The following DENND1A variants were observed in gnomAD, a reference collection of about 807,000 sequenced individuals.
The protein encoded by DENND1A is DENN domain containing 1A, also known as DENN domain-containing protein 1A.
A neutral mutation model predicts 113.7 loss-of-function variants in DENND1A; 51 were observed. The observed-to-expected ratio is 0.45, with a 90% confidence interval of 0.36 to 0.57. DENND1A has a LOEUF of 0.57. DENND1A is among the 20% of genes least tolerant of loss of function. DENND1A has a pLI of 0.00. For synonymous variants in DENND1A, 565 were observed against 570.8 expected (o/e 0.99, Z 0.14); for missense variants, 1,258 against 1,395.9 (o/e 0.90, Z 1.57).
chr9:123,655,367 G>T (rs2062884049), intron 8 of DENND1A, among the ~76,000 whole-genome samples: 1 of 152,180 alleles, frequency 6.6e-6, no homozygotes, highest in Non-Finnish European at 1.5e-5. Context: ...GAACAGTGCA[G>T]TGAGGAATGC....
chr9:123,655,787 T>G (rs2062913268), intron 8 of DENND1A, among the ~76,000 whole-genome samples: 1 of 152,226 alleles, frequency 6.6e-6, no homozygotes, highest in Admixed American at 6.5e-5. Flanking sequence ...GAGCTTCTGC[T>G]GATAAAAGAC....
chr9:123,494,358 C>G (rs924602599), intron 13 of DENND1A, among the ~76,000 whole-genome samples: 2 of 152,144 alleles, frequency 1.3e-5, no homozygotes, highest in African/African-American at 4.8e-5. Context: ...ACACCCGCAC[C>G]CTCTTGGATC....
In DENND1A at chr9:123,382,477, G is replaced by A; in HGVS notation, c.2168C>T (p.Ala723Val). 1 of 1,613,654 alleles carries A rather than the reference G, an allele frequency of 6.2e-7. No homozygotes were observed. Among genetic ancestry groups the A allele is most frequent in the South Asian group, 1.1e-5 (1 of 91,064 alleles). The change falls in exon 24 of 24, where the codon GCC (alanine) becomes GTC (valine). Residue 723 changes from alanine (A) to valine (V), a missense_variant. Ala to Val is a moderately conservative substitution (Grantham distance 64). Around this residue, in one of 2 missense-constraint regions of DENND1A, gnomAD observed 1,159 missense variants for 1,231.7 expected, o/e 0.94. Coordinates refer to ENST00000394215, the MANE Select transcript of DENND1A (RefSeq NM_001352964.2). ...PPAASPEKPS[A>V]LLGNSLALPR... ...CAGGGCCAGGGAGTTTCCGAGCAGG[G>A]CTGAGGGCTTCTCAGGGGAGGCAGC...
intron 2 of DENND1A, among the ~76,000 whole-genome samples, chr9:123,830,948 A>T (rs1157926818): frequency 6.6e-6 from 1 of 151,258 alleles, no homozygotes; most frequent in Non-Finnish European, 1.5e-5. Flanking sequence ...ATTAAACATT[A>T]TACTGCTGGT....
intron 10 of DENND1A, among the ~76,000 whole-genome samples, chr9:123,620,232 A>AAAAAAAAAAAAAAAAAAAAAAAAAAG (rs1554916729): frequency 3.8e-4 from 43 of 114,364 alleles, no homozygotes; most frequent in African/African-American, 8.9e-4. Context: ...AAAAAAAAAA[A>AAAAAAAAAAAAAAAAAAAAAAAAAAG]AAAAAAGAAA....
Position 123,381,323 on chromosome 9 carries a change from C to T in DENND1A, c.*109G>A. On this transcript the variant is annotated 3_prime_UTR_variant, in exon 24 of 24. Coordinates refer to ENST00000394215, the MANE Select transcript of DENND1A (RefSeq NM_001352964.2). The surrounding 1 kb of genome is among the most constrained non-coding windows in gnomAD (Gnocchi z 4.7). The stretch of plus-strand genomic sequence containing the variant: ...GGGGCAGCAGAGAGGGGTCCCATCC[C>T]TTCCCACCAGCAGAACCTGGGCAGA... 1.8e-6 allele frequency: 2 copies of T among 1,136,556 alleles called. No homozygotes were observed. The highest frequency in any genetic ancestry group is 2.5e-6 in the Non-Finnish European group (2 of 790,976). 70.4% of individuals were successfully genotyped at this position (1,136,556 alleles called of 1,614,324 possible). A position where few individuals can be genotyped will look rare whatever the true frequency, so the allele number is the denominator to read the frequency against.
intron 2 of DENND1A, among the ~76,000 whole-genome samples, chr9:123,876,562 T>C (rs1847497622): frequency 6.6e-6 from 1 of 152,180 alleles, no homozygotes. Context: ...TATACTCACA[T>C]GCACACATAT....
At chr9:123,690,083 AAGGAG>A (rs2065079812) in intron 5 of DENND1A, among the ~76,000 whole-genome samples, 1 of 79,950 alleles carries the variant, frequency 1.3e-5, no homozygotes, top group African/African-American at 5.0e-5. Flanking sequence ...GGAAGAAGGA[AAGGAG>A]GGAGGGAGGG....
intron 3 of DENND1A, among the ~76,000 whole-genome samples, chr9:123,783,096 T>C (rs976266474): frequency 6.6e-6 from 1 of 152,208 alleles, no homozygotes; most frequent in African/African-American, 2.4e-5. Flanking sequence ...AGTGGTCCCA[T>C]TACTAAATTT....
chr9:123,614,423 CT>C (rs1381032587), intron 10 of DENND1A, among the ~76,000 whole-genome samples: 1 of 152,212 alleles, frequency 6.6e-6, no homozygotes, highest in Non-Finnish European at 1.5e-5. Context: ...AATATGGAAA[CT>C]GCAGACTTAC....
intron 13 of DENND1A, among the ~76,000 whole-genome samples, chr9:123,553,403 C>T (rs1047008108): frequency 8.6e-5 from 13 of 151,244 alleles, no homozygotes; most frequent in African/African-American, 2.9e-4. Context: ...AAAAGCCGCC[C>T]CCCCCCCGCT....
chr9:123,588,020 G>A (rs996333366), intron 11 of DENND1A, among the ~76,000 whole-genome samples: 1 of 152,106 alleles, frequency 6.6e-6, no homozygotes, highest in African/African-American at 2.4e-5. Context: ...GCTCACACCT[G>A]TAATCCCAGC....
At chr9:123,674,390 A>G (rs917675450) in intron 6 of DENND1A, among the ~76,000 whole-genome samples, 3 of 145,402 alleles carry the variant, frequency 2.1e-5, no homozygotes, top group Non-Finnish European at 4.5e-5. Context: ...ACACACACAC[A>G]CACAATAGAA....
intron 5 of DENND1A, among the ~76,000 whole-genome samples, chr9:123,698,495 C>A (rs919770015): frequency 1.3e-5 from 2 of 152,198 alleles, no homozygotes; most frequent in Non-Finnish European, 2.9e-5. Flanking sequence ...GGAGACAAAG[C>A]TCTAACTTAA....
intron 13 of DENND1A, among the ~76,000 whole-genome samples, chr9:123,545,407 C>T (rs73578141): frequency 6.6e-6 from 1 of 151,988 alleles, no homozygotes; most frequent in Admixed American, 6.5e-5. Context: ...CTATACAGAA[C>T]AAATCCACCA....
chr9:123,438,183 C>T (rs1386712977), intron 19 of DENND1A, among the ~76,000 whole-genome samples: 5 of 152,130 alleles, frequency 3.3e-5, no homozygotes, highest in Non-Finnish European at 5.9e-5. Context: ...GTACTTCTTA[C>T]GGTCAACAGC....
chr9:123,638,537 T>A (rs2061840105), intron 9 of DENND1A, among the ~76,000 whole-genome samples: 2 of 152,146 alleles, frequency 1.3e-5, no homozygotes, highest in African/African-American at 4.8e-5. Flanking sequence ...TGGTGCAATC[T>A]TGGCTCACTG....
chr9:123,626,487 G>C (rs1305927780), intron 10 of DENND1A, among the ~76,000 whole-genome samples: 1 of 151,890 alleles, frequency 6.6e-6, no homozygotes, highest in African/African-American at 2.4e-5. Flanking sequence ...CCCTTCTCCT[G>C]CTTTTTCTCA....
Position 123,457,726 on chromosome 9 carries a change from G to A in DENND1A, c.1098+67C>T, listed in dbSNP as rs1320363157. ...TCCATGCCTGCGGCCTCAGTACTTAGAGTGGAGACAGCTGCAGAAATCCCC... is the reference window on the plus strand; with the variant it reads ...TCCATGCCTGCGGCCTCAGTACTTAAAGTGGAGACAGCTGCAGAAATCCCC... On this transcript the variant is annotated intron_variant, in intron 14 of 23. Transcript: ENST00000394215. 49 of 1,453,392 alleles carry A rather than the reference G, an allele frequency of 3.4e-5. No homozygotes were observed. In the South Asian group the frequency reaches 5.6e-4, roughly 16 times the overall value. 90.0% of individuals were successfully genotyped at this position (1,453,392 alleles called of 1,614,324 possible).
Sources: allele counts gnomAD v4.1 joint callset (sites outside exome capture counted in the v4.1 genomes callset), GRCh38; gene constraint gnomAD v4.1.1; regional missense constraint gnomAD v4.1.1; non-coding constraint Gnocchi (gnomAD v3.1); transcripts MANE v1.5; gene names NCBI Gene and HGNC (gene_info 2026-07-23, HGNC 2026-07-21).